TLN2: variants seen among roughly 807,000 people sequenced by gnomAD.
The protein encoded by TLN2 is talin-2.
TLN2 carries 118 observed loss-of-function variants against 294.7 expected under a neutral mutation model. The ratio of observed to expected loss-of-function variants is 0.40; its 90% CI spans 0.34 to 0.47. The LOEUF is 0.47. TLN2 is among the 20% of genes least tolerant of loss of function. TLN2 has a pLI of 0.84. For synonymous variants in TLN2, 1,431 were observed against 1,304.5 expected (o/e 1.10, Z -2.09); for missense variants, 3,083 against 3,282.2 (o/e 0.94, Z 1.48).
At chr15:62,607,382 G>A (rs2047541518) in intron 2 of TLN2, among the ~76,000 whole-genome samples, 1 of 152,088 alleles carries the variant, frequency 6.6e-6, no homozygotes, top group African/African-American at 2.4e-5. Context: ...TTCCCTGATG[G>A]TTTTAAGCTA....
At chr15:62,561,046 T>C (rs1435543287) in intron 1 of TLN2, among the ~76,000 whole-genome samples, 1 of 152,262 alleles carries the variant, frequency 6.6e-6, no homozygotes, top group Non-Finnish European at 1.5e-5. Context: ...AAAGAAATCA[T>C]TATTCCAAAA....
At chr15:62,678,270 T>C (rs2056452955) in intron 11 of TLN2, among the ~76,000 whole-genome samples, 1 of 152,208 alleles carries the variant, frequency 6.6e-6, no homozygotes, top group Admixed American at 6.5e-5. Flanking sequence ...GACCATAGTT[T>C]GCCTTATTTT....
At chr15:62,480,438 G>C (rs1045612649) in intron 1 of TLN2, among the ~76,000 whole-genome samples, 1 of 152,106 alleles carries the variant, frequency 6.6e-6, no homozygotes, top group Admixed American at 6.5e-5. Flanking sequence ...TGGCCAGGCT[G>C]ATCTCAAACT....
chr15:62,506,738 C>T (rs2039642368), intron 1 of TLN2, among the ~76,000 whole-genome samples: 1 of 152,200 alleles, frequency 6.6e-6, no homozygotes, highest in South Asian at 2.1e-4. Flanking sequence ...TTGAGAGTTA[C>T]ACTCTAGGGC....
At position 62,805,695 on chromosome 15, in the gene TLN2, G is replaced by A; in HGVS notation, c.6573G>A (p.Val2191=). ...KGITMATAKA[V]AAGNSCRQED... ...TCACCATGGCAACAGCCAAAGCCGTGGCAGCTGGGAACTCATGTAGACAGG... is the reference window on the plus strand; with the variant it reads ...TCACCATGGCAACAGCCAAAGCCGTAGCAGCTGGGAACTCATGTAGACAGG... Residue 2191 remains valine, a synonymous_variant, in exon 51 of 59, where the codon GTG becomes GTA. Coordinates refer to ENST00000636159, the MANE Select transcript of TLN2 (RefSeq NM_015059.3). 41 of 1,614,162 alleles carry A rather than the reference G, an allele frequency of 2.5e-5. No individual in the cohort carries two copies. Among genetic ancestry groups the A allele is most frequent in the Non-Finnish European group, 3.5e-5 (41 of 1,180,020 alleles).
Position 62,809,980 on chromosome 15 carries a change from T to G in TLN2, c.6719T>G (p.Phe2240Cys). The G allele has an allele frequency of 6.2e-7, 1 of 1,614,116 alleles. No individual in the cohort carries two copies. The highest frequency in any genetic ancestry group is 8.5e-7 in the Non-Finnish European group (1 of 1,180,020). The change falls in exon 52 of 59, where the codon TTC (phenylalanine) becomes TGC (cysteine). Residue 2240 changes from phenylalanine to cysteine, a missense_variant. Phe to Cys is a radical substitution (Grantham distance 205). Coordinates refer to ENST00000636159, the MANE Select transcript of TLN2 (RefSeq NM_015059.3). ...SDEVRTRALR[F>C]GTECTLGYLD... ...GAGGTGAGAACCAGAGCCTTGCGTT[T>G]CGGGACGGAGTGCACCCTTGGCTAC...
At chr15:62,650,977 C>A (rs1216750468) in intron 5 of TLN2, among the ~76,000 whole-genome samples, 2 of 152,054 alleles carry the variant, frequency 1.3e-5, no homozygotes, top group African/African-American at 4.8e-5. Context: ...CTGTGATACT[C>A]CACTAATATG....
intron 12 of TLN2, among the ~76,000 whole-genome samples, chr15:62,689,069 T>C (rs1567356545): frequency 8.9e-6 from 1 of 112,088 alleles, no homozygotes; most frequent in African/African-American, 4.1e-5. Context: ...TCTCTCTCTC[T>C]TTTTTTTTTT....
At chr15:62,494,026 G>A (rs1035195401) in intron 1 of TLN2, among the ~76,000 whole-genome samples, 17 of 152,012 alleles carry the variant, frequency 1.1e-4, no homozygotes, top group African/African-American at 4.1e-4. Context: ...CTTTGTCTGG[G>A]TGATCCTAGG....
intron 32 of TLN2, among the ~76,000 whole-genome samples, chr15:62,741,045 A>G (rs2061296124): frequency 6.6e-6 from 1 of 152,254 alleles, no homozygotes; most frequent in African/African-American, 2.4e-5. Flanking sequence ...TGTAAATGCA[A>G]TGAATTAAAC....
chr15:62,464,464 C>A (rs1324736552), intron 1 of TLN2, among the ~76,000 whole-genome samples: 2 of 151,818 alleles, frequency 1.3e-5, no homozygotes, highest in Non-Finnish European at 2.9e-5. Context: ...AGGAGAAATA[C>A]CTAACGTAAA....
intron 12 of TLN2, among the ~76,000 whole-genome samples, chr15:62,687,274 A>G (rs1190533172): frequency 6.6e-6 from 1 of 152,228 alleles, no homozygotes; most frequent in Non-Finnish European, 1.5e-5. Context: ...GGATAGTATT[A>G]TTATAGAAAT....
intron 1 of TLN2, among the ~76,000 whole-genome samples, chr15:62,455,128 A>G (rs2036392112): frequency 6.6e-6 from 1 of 151,916 alleles, no homozygotes; most frequent in Non-Finnish European, 1.5e-5. Context: ...TATTCAATGG[A>G]CTCCTCCTTT....
chr15:62,702,962 T>C, intron 19 of TLN2, 98 bp downstream of exon 19: 1 of 1,115,450 alleles, frequency 9.0e-7, no homozygotes, highest in Non-Finnish European at 1.3e-6. Context: ...ACTAAATCTT[T>C]GAGATAGTCA....
intron 2 of TLN2, among the ~76,000 whole-genome samples, chr15:62,603,264 T>A (rs2047151319): frequency 6.6e-6 from 1 of 152,196 alleles, no homozygotes; most frequent in South Asian, 2.1e-4. Flanking sequence ...ATGGAAAAAA[T>A]TACGGTTTAT....
chr15:62,651,956 A>G (rs1233086984), intron 5 of TLN2, 49 bp from the exon 6 acceptor site: 5 of 1,491,350 alleles, frequency 3.4e-6, no homozygotes, highest in Non-Finnish European at 4.5e-6. Flanking sequence ...CAAGTTTGTT[A>G]TTTATTTTCC....
intron 1 of TLN2, among the ~76,000 whole-genome samples, chr15:62,497,037 C>T (rs1206983776): frequency 6.6e-6 from 1 of 152,142 alleles, no homozygotes; most frequent in Non-Finnish European, 1.5e-5. Flanking sequence ...ATACCTGTCC[C>T]TTACATGTGT....
intron 34 of TLN2, among the ~76,000 whole-genome samples, chr15:62,751,130 T>C (rs922810404): frequency 6.6e-6 from 1 of 152,074 alleles, no homozygotes; most frequent in African/African-American, 2.4e-5. Flanking sequence ...AAAGGCTCCT[T>C]AGTGGAACAA....
At chr15:62,424,600 G>A (rs1009744152) in intron 1 of TLN2, among the ~76,000 whole-genome samples, 2 of 152,120 alleles carry the variant, frequency 1.3e-5, no homozygotes, top group Admixed American at 6.5e-5. Flanking sequence ...TAGCCCCATC[G>A]CACACAAGTT....
Sources: gnomAD v4.1 joint callset for allele counts (sites outside exome capture counted in the v4.1 genomes callset) on GRCh38, gnomAD v4.1.1 for gene constraint, MANE v1.5 for transcripts, NCBI Gene and HGNC (gene_info 2026-07-23, HGNC 2026-07-21) for gene names.